The following USP42 variants were observed in gnomAD, a reference collection of about 807,000 sequenced individuals.
The protein encoded by USP42 is ubiquitin specific peptidase 42.
In USP42, 23 loss-of-function variants were observed where a neutral mutation model predicts 113.0. That is an observed-to-expected ratio of 0.20 (90% CI 0.15 to 0.29). The LOEUF (loss-of-function observed/expected upper bound fraction) is 0.29, where lower values mean the gene tolerates loss of function less well. Among genes scored for constraint, USP42 ranks in the 10% least tolerant of loss-of-function variants. The pLI, the probability that USP42 is intolerant of heterozygous loss-of-function variation, is 1.00. For synonymous variants in USP42, 933 were observed against 699.0 expected, an observed-to-expected ratio of 1.33 and a Z score of -5.28; for missense variants, 2,174 against 1,779.8, an observed-to-expected ratio of 1.22 and a Z score of -3.99.
At chr7:6,119,086 A>T (rs1475821393) in intron 3 of USP42, among the ~76,000 whole-genome samples, 1 of 151,710 alleles carries the variant, frequency 6.6e-6, no homozygotes, top group Non-Finnish European at 1.5e-5. Context: ...CTGGGAACTC[A>T]TGCCTATAGT....
rs1163599400 is a variant in USP42, at chr7:6,139,620, G to T, written c.656+426G>T. 1 of 197,856 alleles carries T rather than the reference G, an allele frequency of 5.1e-6. No homozygotes were observed. Among genetic ancestry groups the T allele is most frequent in the South Asian group, 9.6e-5 (1 of 10,462 alleles). 12.3% of individuals were successfully genotyped at this position (197,856 alleles called of 1,614,324 possible). A position where few individuals can be genotyped will look rare whatever the true frequency, so the allele number is the denominator to read the frequency against. The stretch of plus-strand genomic sequence containing the variant: ...GTAGCTAGTTCCTTAAAATCTAAAT[G>T]CAGACTCAAGAGGAAGAACGAGGGG... On this transcript the variant is annotated intron_variant, in intron 5 of 17. Coordinates refer to ENST00000306177, the MANE Select transcript of USP42 (RefSeq NM_032172.3). This position sits in a 1 kb window ranked among gnomAD's most constrained non-coding sequence, Gnocchi z 4.5.
chr7:6,133,311 C>G (rs1405750481), intron 3 of USP42, among the ~76,000 whole-genome samples: 1 of 152,144 alleles, frequency 6.6e-6, no homozygotes, highest in Non-Finnish European at 1.5e-5. Flanking sequence ...TACCTTCAGA[C>G]TCTAATGATG....
Position 6,154,619 on chromosome 7 carries a change from C to T in USP42, c.3065C>T (p.Ser1022Phe), listed in dbSNP as rs771467580. 5.0e-6 allele frequency: 8 copies of T among 1,596,924 alleles called. No homozygotes were observed. The South Asian group carries it at 7.9e-5, about 16-fold the overall frequency. The stretch of plus-strand genomic sequence containing the variant: ...CTGGGCAGGTGCAGTCACCACCACT[C>T]CCGACACCGGAGCGGGGTGGAGCTG... ...RSLGRCSHHH[S>F]RHRSGVELDW... Residue 1022 changes from serine to phenylalanine, a missense_variant, in exon 15 of 18, where the codon TCC (serine) becomes TTC (phenylalanine). Transcript: ENST00000306177.
chr7:6,092,032 C>CTTTTCTTCTTCTTCTTCTTCTT, the USP42 span, among the ~76,000 whole-genome samples: 815 of 110,056 alleles, frequency 7.4e-3, 23 homozygotes, highest in Non-Finnish European at 0.011. Context: ...TCTTCTTCTT[C>CTTTTCTTCTTCTTCTTCTTCTT]TTCTTCTTCT....
intron 12 of USP42, among the ~76,000 whole-genome samples, chr7:6,149,311 G>A (rs2128514756): frequency 6.6e-6 from 1 of 152,340 alleles, no homozygotes; most frequent in South Asian, 2.1e-4. Flanking sequence ...ATTTCGATCA[G>A]ATCTGGGACA....
In USP42 at chr7:6,154,444, G is replaced by T; in HGVS notation, c.2890G>T (p.Glu964Ter). The change falls in exon 15 of 18, where the codon GAG (glutamate) becomes TAG (stop). Residue 964 changes from glutamate (E) to a stop codon, truncating the protein, a stop_gained. Coordinates refer to ENST00000306177, the MANE Select transcript of USP42 (RefSeq NM_032172.3). LOFTEE classifies it high-confidence loss of function. ...CCGGAGAGAGCGCTCGTCCAGCGGG[G>T]AGCCCGCCAGAGAGAGCAGGAGCAA... ...RSRRERSSSGEPARESRSKTE... is the reference protein window; with the variant it reads ...RSRRERSSSG 6.4e-7 allele frequency: 1 copy of T among 1,567,184 alleles called. No individual in the cohort carries two copies. Among genetic ancestry groups the T allele is most frequent in the East Asian group, 2.4e-5 (1 of 42,000 alleles).
intron 1 of USP42, among the ~76,000 whole-genome samples, chr7:6,109,390 T>A (rs1007810512): frequency 2.0e-5 from 3 of 152,276 alleles, no homozygotes; most frequent in African/African-American, 7.2e-5. Flanking sequence ...TCTTTCTTCC[T>A]TTCCTTTTCT....
chr7:6,129,717 C>T (rs1384921591), intron 3 of USP42, among the ~76,000 whole-genome samples: 2 of 151,866 alleles, frequency 1.3e-5, no homozygotes, highest in South Asian at 4.1e-4. Flanking sequence ...AAAAATTAGC[C>T]AGGTGTGGTG....
At chr7:6,096,865 T>G in the USP42 span, among the ~76,000 whole-genome samples, 10 of 151,176 alleles carry the variant, frequency 6.6e-5, 1 homozygote, top group African/African-American at 2.0e-4. Flanking sequence ...CACCTTCTGC[T>G]GCGTAAGCAC....
At chr7:6,102,525 G>T (rs1322988323), upstream of USP42, among the ~76,000 whole-genome samples, 7 of 150,462 alleles carry the variant, frequency 4.7e-5, no homozygotes, top group Admixed American at 4.6e-4. Context: ...ACTTTGGGAG[G>T]TCCAAGCAGA....
rs758291035 is a variant in USP42 at position 6,153,825 on chromosome 7, C to T, written c.2271C>T (p.Ala757=). The part of the protein sequence containing the change: ...DAEPQPGSPA[A]ESLEEPDAAA... ...AGCCTCAGCCTGGCAGCCCCGCCGC[C>T]GAATCCCTGGAGGAGCCAGATGCGG... is the stretch of plus-strand genomic sequence containing the variant. Residue 757 remains alanine, a synonymous_variant, in exon 15 of 18, where the codon GCC becomes GCT. Coordinates refer to ENST00000306177, the MANE Select transcript of USP42 (RefSeq NM_032172.3). The T allele has an allele frequency of 4.6e-6, 7 of 1,535,646 alleles. No homozygotes were observed. Among genetic ancestry groups the T allele is most frequent in the East Asian group, 5.0e-5 (2 of 40,286 alleles).
intron 12 of USP42, 139 bp downstream of exon 12, chr7:6,148,031 A>G (rs1436256665): frequency 3.1e-6 from 3 of 955,242 alleles, no homozygotes; most frequent in South Asian, 1.8e-5. Context: ...ACCCTCTTAC[A>G]CAGTATTTCA....
rs1782669201 is a variant in USP42 at position 6,159,808 on chromosome 7, G to T, written c.*36+315G>T. The stretch of plus-strand genomic sequence containing the variant: ...CCGGCTCACAGCGGCAGAGCCCACG[G>T]GCCTTTGATAAACATCTGGGAAGGG... On this transcript the variant is annotated intron_variant, in intron 17 of 17. Transcript: ENST00000306177. The surrounding 1 kb of genome is among the most constrained non-coding windows in gnomAD (Gnocchi z 4.1). Among the ~76,000 whole-genome samples, 1 of 152,244 alleles carries T rather than the reference G, an allele frequency of 6.6e-6. No homozygotes were observed. The highest frequency in any genetic ancestry group is 2.4e-5 in the African/African-American group (1 of 41,464).
chr7:6,149,109 G>A (rs1781885359), intron 12 of USP42, among the ~76,000 whole-genome samples: 1 of 152,220 alleles, frequency 6.6e-6, no homozygotes, highest in Admixed American at 6.5e-5. Context: ...AGAATGTGGA[G>A]ACGTTGTGGG....
chr7:6,095,401 GGCTCAC>G, the USP42 span, among the ~76,000 whole-genome samples: 1 of 151,262 alleles, frequency 6.6e-6, no homozygotes. Context: ...CGGGTGTGGT[GGCTCAC>G]GCCTGTAATC....
chr7:6,114,676 A>ATT (rs1424173261), intron 2 of USP42, among the ~76,000 whole-genome samples: 934 of 31,242 alleles, frequency 0.03, 100 homozygotes, highest in Non-Finnish European at 0.037. Flanking sequence ...ATATATATAT[A>ATT]TATTTTTTTT....
intron 11 of USP42, among the ~76,000 whole-genome samples, chr7:6,146,836 TG>T (rs1447962951): frequency 1.3e-5 from 2 of 151,984 alleles, no homozygotes; most frequent in Non-Finnish European, 2.9e-5. Context: ...CGGGCAGTAA[TG>T]GAGTGGGCCA....
chr7:6,114,679 T>TATATATATATATATATATA (rs57984216), intron 2 of USP42, among the ~76,000 whole-genome samples: 3 of 10,928 alleles, frequency 2.7e-4, no homozygotes, highest in Non-Finnish European at 3.2e-4. Context: ...TATATATATA[T>TATATATATATATATATATA]TTTTTTTTTT....
At chr7:6,133,082 A>G (rs1307581126) in intron 3 of USP42, among the ~76,000 whole-genome samples, 8 of 152,202 alleles carry the variant, frequency 5.3e-5, no homozygotes, top group African/African-American at 1.2e-4. Flanking sequence ...TGAGGTTCTT[A>G]GATCTGTACA....
Sources: allele counts gnomAD v4.1 joint callset (sites outside exome capture counted in the v4.1 genomes callset), GRCh38; gene constraint gnomAD v4.1.1; non-coding constraint Gnocchi (gnomAD v3.1); transcripts MANE v1.5; gene names NCBI Gene and HGNC (gene_info 2026-07-23, HGNC 2026-07-21).